Variants in DENND4C observed in about 807,000 individuals in gnomAD.
DENND4C encodes DENN domain containing 4C, also known as DENN domain-containing protein 4C.
Under a neutral mutation model 203.0 loss-of-function variants are expected in DENND4C, and 108 were observed. The ratio of observed to expected loss-of-function variants is 0.53; its 90% CI spans 0.46 to 0.62. DENND4C has a LOEUF of 0.62. Ranked by LOEUF, DENND4C falls within the 20% of genes least tolerant of loss-of-function variation. DENND4C has a pLI of 0.00. For missense variants in DENND4C, 2,481 were observed against 2,301.2 expected, an observed-to-expected ratio of 1.08 and a Z score of -1.60; for synonymous variants, 871 against 792.4, an observed-to-expected ratio of 1.10 and a Z score of -1.67.
At chr9:19,336,186 A>AC in intron 18 of DENND4C, 84 bp from the exon 19 acceptor site, 1 of 1,021,562 alleles carries the variant, frequency 9.8e-7, no homozygotes, top group Non-Finnish European at 1.4e-6. Flanking sequence ...TATATATATA[A>AC]ACATACACAC....
At position 19,288,046 on chromosome 9, in the gene DENND4C, C is replaced by G. The variant is rs984735797; in HGVS notation, c.559-550C>G. On this transcript the variant is annotated intron_variant, in intron 3 of 32. Coordinates refer to ENST00000434457, the MANE Select transcript of DENND4C (RefSeq NM_001330640.2). Reference sequence around the variant, plus strand: ...ACCACACCCAATCCATGCATACTTACTCTTTAAAAGGACTGTAGTGAAGAA... The same window carrying G: ...ACCACACCCAATCCATGCATACTTAGTCTTTAAAAGGACTGTAGTGAAGAA... Among the ~76,000 whole-genome samples, 7 of 152,204 alleles carry G rather than the reference C, an allele frequency of 4.6e-5. No individual in the cohort carries two copies. The South Asian group carries it at 1.4e-3, about 31-fold the overall frequency.
intron 6 of DENND4C, among the ~76,000 whole-genome samples, 167 bp downstream of exon 6, chr9:19,296,413 G>T (rs927072263): frequency 6.8e-6 from 1 of 147,936 alleles, no homozygotes; most frequent in African/African-American, 2.5e-5. Flanking sequence ...CACCCAGGCT[G>T]GAGTGCAGTG....
At chr9:19,347,160 C>A in intron 23 of DENND4C, 74 bp downstream of exon 23, 1 of 1,395,294 alleles carries the variant, frequency 7.2e-7, no homozygotes, top group Non-Finnish European at 9.7e-7. Context: ...TATATGTATT[C>A]TTGTTCAGAG....
intron 21 of DENND4C, 121 bp downstream of exon 21, chr9:19,341,235 G>A: frequency 1.3e-6 from 1 of 762,848 alleles, no homozygotes; most frequent in Non-Finnish European, 1.9e-6. Flanking sequence ...TGGCTCCTAA[G>A]ATGCTGTGTA....
rs540572426 is a variant in DENND4C at position 19,291,090 on chromosome 9, C to T, written c.801+214C>T. Among the ~76,000 whole-genome samples the T allele has an allele frequency of 7.9e-5, 12 of 152,248 alleles. No individual in the cohort carries two copies. The South Asian group carries it at 2.5e-3, about 32-fold the overall frequency. On this transcript the variant is annotated intron_variant, in intron 5 of 32. Transcript: ENST00000434457. ...TTCTACAGAAGCAAAGATAAAGTCT[C>T]TCTGGATAGACACCTTCAAAACCCA...
At chr9:19,307,324 G>T (rs1839878898) in intron 10 of DENND4C, among the ~76,000 whole-genome samples, 1 of 150,596 alleles carries the variant, frequency 6.6e-6, no homozygotes, top group African/African-American at 2.5e-5. Flanking sequence ...TAGTCCAGGA[G>T]GTCGAGGCTG....
At position 19,371,774 on chromosome 9, in the gene DENND4C, C is replaced by T; in HGVS notation, c.5694C>T (p.Ile1898=). The T allele has an allele frequency of 1.4e-6, 2 of 1,458,934 alleles. No individual in the cohort carries two copies. The highest frequency in any genetic ancestry group is 1.9e-6 in the Non-Finnish European group (2 of 1,051,938). 90.4% of individuals were successfully genotyped at this position (1,458,934 alleles called of 1,614,324 possible). The part of the protein sequence containing the change: ...MKRQRSLYRE[I]LFLSLVSLGR... ...TTTATAGGAGTTTATACAGAGAAATCCTCTTCTTATCATTAGTGTCTCTAG... is the reference window on the plus strand; with the variant it reads ...TTTATAGGAGTTTATACAGAGAAATTCTCTTCTTATCATTAGTGTCTCTAG... The change falls in exon 32 of 33, where the codon ATC becomes ATT. Residue 1898 remains isoleucine (I), a synonymous_variant. Coordinates refer to ENST00000434457, the MANE Select transcript of DENND4C (RefSeq NM_001330640.2).
chr9:19,297,743 G>T (rs2131280838), intron 6 of DENND4C, among the ~76,000 whole-genome samples: 1 of 152,228 alleles, frequency 6.6e-6, no homozygotes, highest in East Asian at 1.9e-4. Flanking sequence ...GTTGCTCCCT[G>T]TACTGGCACA....
At chr9:19,261,553 A>T (rs1346208921) in intron 1 of DENND4C, among the ~76,000 whole-genome samples, 1 of 151,210 alleles carries the variant, frequency 6.6e-6, no homozygotes, top group African/African-American at 2.4e-5. Context: ...TACAGGCTGG[A>T]GTACAGTGGC....
chr9:19,364,574 C>G (rs1026850921), intron 30 of DENND4C, among the ~76,000 whole-genome samples: 2 of 152,206 alleles, frequency 1.3e-5, no homozygotes, highest in Non-Finnish European at 2.9e-5. Context: ...GTTCCCAGCC[C>G]CAGCTCCAGA....
At chr9:19,370,061 A>C in intron 31 of DENND4C, 74 bp downstream of exon 31, 2 of 1,547,618 alleles carry the variant, frequency 1.3e-6, no homozygotes, top group South Asian at 1.1e-5. Context: ...TACTTTTAAA[A>C]ATATCTCTAG....
At chr9:19,345,770 C>G in intron 22 of DENND4C, 151 bp from the exon 23 acceptor site, 1 of 736,928 alleles carries the variant, frequency 1.4e-6, no homozygotes, top group Non-Finnish European at 2.0e-6. Flanking sequence ...TTCCAGTGCA[C>G]TTTTTTTTAT....
intron 21 of DENND4C, among the ~76,000 whole-genome samples, chr9:19,342,038 C>T (rs944719033): frequency 6.9e-5 from 10 of 144,620 alleles, no homozygotes; most frequent in Admixed American, 5.0e-4. Flanking sequence ...GCAGGAGAGT[C>T]ATTTGAACCT....
At chr9:19,288,565 C>T (rs1299672196) in intron 3 of DENND4C, 31 bp from the exon 4 acceptor site, 1 of 1,212,134 alleles carries the variant, frequency 8.2e-7, no homozygotes, top group East Asian at 3.2e-5. Context: ...ACTCTTTTGT[C>T]TTTTTTATAA....
intron 26 of DENND4C, among the ~76,000 whole-genome samples, chr9:19,353,682 C>T (rs1204304033): frequency 6.6e-6 from 1 of 150,922 alleles, no homozygotes. Context: ...CCTGTAATCC[C>T]AGTACTTTGG....
At chr9:19,359,246 TTAAG>T (rs1426610439) in intron 28 of DENND4C, among the ~76,000 whole-genome samples, 4 of 151,750 alleles carry the variant, frequency 2.6e-5, no homozygotes, top group Non-Finnish European at 5.9e-5. Flanking sequence ...TTATGTTTAA[TTAAG>T]TAATTAATTT....
At chr9:19,246,825 C>T (rs1478941376) in intron 1 of DENND4C, among the ~76,000 whole-genome samples, 1 of 152,084 alleles carries the variant, frequency 6.6e-6, no homozygotes, top group Non-Finnish European at 1.5e-5. Context: ...CATGCTATAA[C>T]TCTTAATTCT....
intron 10 of DENND4C, among the ~76,000 whole-genome samples, chr9:19,311,527 G>A (rs992018523): frequency 4.6e-5 from 7 of 152,078 alleles, no homozygotes; most frequent in Admixed American, 1.3e-4. Flanking sequence ...CAAGTATATC[G>A]TCAGTTTTTG....
chr9:19,320,865 G>A (rs926179890), intron 12 of DENND4C, among the ~76,000 whole-genome samples: 5 of 152,190 alleles, frequency 3.3e-5, no homozygotes, highest in African/African-American at 1.2e-4. Flanking sequence ...AGGAAAGAAA[G>A]CCTTTCATTA....
Sources: allele counts gnomAD v4.1 joint callset (sites outside exome capture counted in the v4.1 genomes callset), GRCh38; gene constraint gnomAD v4.1.1; transcripts MANE v1.5; gene names NCBI Gene and HGNC (gene_info 2026-07-23, HGNC 2026-07-21).